The following UBXN8 variants were observed in gnomAD, a reference collection of about 807,000 sequenced individuals.
UBXN8 encodes UBX domain protein 8, also known as UBX domain-containing protein 8.
In UBXN8, 27 loss-of-function variants were observed where a neutral mutation model predicts 32.1. The observed-to-expected ratio is 0.84, with a 90% confidence interval of 0.62 to 1.16. The LOEUF (loss-of-function observed/expected upper bound fraction) is 1.16. Ranked by LOEUF, UBXN8 falls within the 50% of genes most tolerant of loss-of-function variation. UBXN8 has a pLI of 0.00. For missense variants in UBXN8, 306 were observed against 311.4 expected, an observed-to-expected ratio of 0.98 and a Z score of 0.13; for synonymous variants, 109 against 111.8, an observed-to-expected ratio of 0.98 and a Z score of 0.16.
intron 4 of UBXN8, among the ~76,000 whole-genome samples, chr8:30,755,329 A>G (rs777246777): frequency 3.9e-5 from 6 of 152,090 alleles, no homozygotes; most frequent in Non-Finnish European, 7.4e-5. Context: ...AGCTCACTGC[A>G]GCCTCAAACT....
At chr8:30,730,172 C>T (rs886670712), upstream of UBXN8, among the ~76,000 whole-genome samples, 3 of 152,136 alleles carry the variant, frequency 2.0e-5, no homozygotes, top group African/African-American at 4.8e-5. Flanking sequence ...CAGGAGAAAC[C>T]CCTCCCTTGG....
At chr8:30,754,519 C>G (rs1805594788) in intron 3 of UBXN8, 146 bp from the exon 4 acceptor site, 1 of 1,144,272 alleles carries the variant, frequency 8.7e-7, no homozygotes, top group African/African-American at 1.6e-5. Context: ...CGAGCCTCCC[C>G]ACAACCAAGC....
intron 7 of UBXN8, 21 bp from the exon 8 acceptor site, chr8:30,766,206 G>A: frequency 6.2e-7 from 1 of 1,602,790 alleles, no homozygotes; most frequent in Non-Finnish European, 8.5e-7. Flanking sequence ...TAATGACTAA[G>A]CCAAGCTTTT....
intron 3 of UBXN8, chr8:30,754,316 T>C: frequency 2.5e-6 from 1 of 394,466 alleles, no homozygotes. Flanking sequence ...TGGCACTTGG[T>C]TTCCCATTTG....
At chr8:30,736,599 A>T (rs961791384) in intron 1 of UBXN8, among the ~76,000 whole-genome samples, 3 of 151,962 alleles carry the variant, frequency 2.0e-5, no homozygotes, top group African/African-American at 7.3e-5. Flanking sequence ...CAGCCTCCTG[A>T]GTAGCTGGGA....
At chr8:30,754,492 C>T in intron 3 of UBXN8, 173 bp from the exon 4 acceptor site, 2 of 758,512 alleles carry the variant, frequency 2.6e-6, no homozygotes, top group Non-Finnish European at 2.2e-6. Context: ...GTCCCGCTTG[C>T]TGTCCAGCTG....
At chr8:30,742,442 C>T (rs940268569), upstream of UBXN8, among the ~76,000 whole-genome samples, 2 of 152,132 alleles carry the variant, frequency 1.3e-5, no homozygotes, top group African/African-American at 4.8e-5. Context: ...ACTTGACCTC[C>T]TGGGCTCAAG....
At chr8:30,758,015 C>T (rs1219283617) in intron 5 of UBXN8, among the ~76,000 whole-genome samples, 1 of 151,982 alleles carries the variant, frequency 6.6e-6, no homozygotes, top group African/African-American at 2.4e-5. Context: ...CCTGCCTCAG[C>T]CTCCCGAGTA....
chr8:30,742,092 T>C (rs1466765438), upstream of UBXN8, among the ~76,000 whole-genome samples: 1 of 152,040 alleles, frequency 6.6e-6, no homozygotes, highest in African/African-American at 2.4e-5. Flanking sequence ...AGATACAGAC[T>C]GTAGAACTTT....
intron 3 of UBXN8, among the ~76,000 whole-genome samples, chr8:30,753,771 CTTTTTT>C (rs748807226): frequency 8.2e-6 from 1 of 122,630 alleles, no homozygotes; most frequent in Non-Finnish European, 1.6e-5. Context: ...AGATATACCA[CTTTTTT>C]TTTTTTTTTT....
At position 30,744,173 on chromosome 8, in the gene UBXN8, C is replaced by CAA. The variant is rs1563557734; in HGVS notation, c.-16_-15insAA. 1 of 1,609,754 alleles carries CAA rather than the reference C, an allele frequency of 6.2e-7. No homozygotes were observed. Among genetic ancestry groups the CAA allele is most frequent in the East Asian group, 2.2e-5 (1 of 44,778 alleles). On this transcript the variant is annotated 5_prime_UTR_variant, in exon 1 of 8. Transcript: ENST00000265616. ...GAAGGGGCGGGCTTTCCGCCTGCAC[C>CAA]AGGCGCTTCCGCCACCATGGCTTCA... is the stretch of plus-strand genomic sequence containing the variant.
chr8:30,733,079 G>A (rs1162074860), exon 1 of UBXN8: 1 of 152,244 alleles, frequency 6.6e-6, no homozygotes, highest in Non-Finnish European at 1.5e-5. Context: ...TAGAAGTGTT[G>A]GACTCAGTTT....
At chr8:30,742,389 C>G (rs931258627), upstream of UBXN8, among the ~76,000 whole-genome samples, 6 of 152,094 alleles carry the variant, frequency 3.9e-5, no homozygotes, top group African/African-American at 1.4e-4. Context: ...CTCACTATAT[C>G]GCCCAGGCTG....
At chr8:30,736,609 A>G (rs1805075012) in intron 1 of UBXN8, among the ~76,000 whole-genome samples, 1 of 151,972 alleles carries the variant, frequency 6.6e-6, no homozygotes, top group Non-Finnish European at 1.5e-5. Flanking sequence ...AGTAGCTGGG[A>G]TATCAGGCAC....
At chr8:30,763,127 T>G in intron 6 of UBXN8, 146 bp from the exon 7 acceptor site, 27 of 762,744 alleles carry the variant, frequency 3.5e-5, no homozygotes, top group Non-Finnish European at 4.5e-5. Context: ...ATTACAGGCG[T>G]GAGCCACCAC....
chr8:30,758,885 GTT>G (rs1260155661), intron 5 of UBXN8, among the ~76,000 whole-genome samples: 7 of 96,976 alleles, frequency 7.2e-5, no homozygotes, highest in South Asian at 7.7e-4. Flanking sequence ...TTTTTTGTTT[GTT>G]TTTTTTGTTT....
rs1377716101 is a variant in UBXN8, at chr8:30,760,064, C to T, written c.529-824C>T. On this transcript the variant is annotated intron_variant, in intron 5 of 7. Transcript: ENST00000265616. ...TTGGGGTCTTACTGAATTTTCTTTT[C>T]TTTTTTTTTTTTTTTAAGATGGAGG... Among the ~76,000 whole-genome samples the T allele has an allele frequency of 3.5e-3, 467 of 134,968 alleles. 2 individuals are homozygous for T. Among genetic ancestry groups the T allele is most frequent in the African/African-American group, 0.012 (430 of 36,318 alleles). The allele number at this position is 134,968 out of a possible 152,430, so 88.5% of individuals were successfully genotyped here.
intron 5 of UBXN8, among the ~76,000 whole-genome samples, chr8:30,760,439 A>ATTT (rs1221804217): frequency 0.012 from 506 of 43,130 alleles, 6 homozygotes; most frequent in African/African-American, 0.039. Context: ...ATATATATAT[A>ATTT]TATATTTTTT....
intron 2 of UBXN8, among the ~76,000 whole-genome samples, chr8:30,752,141 C>T (rs141409914): frequency 1.2e-3 from 188 of 152,340 alleles, no homozygotes; most frequent in Non-Finnish European, 2.3e-3. Context: ...CCGCCCACCT[C>T]GGCCTCCCGA....
Sources: allele counts gnomAD v4.1 joint callset (sites outside exome capture counted in the v4.1 genomes callset), GRCh38; gene constraint gnomAD v4.1.1; transcripts MANE v1.5; gene names NCBI Gene and HGNC (gene_info 2026-07-23, HGNC 2026-07-21).